Variants in SAMTOR observed in about 807,000 individuals in gnomAD.
SAMTOR encodes S-adenosylmethionine sensor upstream of mTORC1.
chr7:112,829,784 C>G, the SAMTOR span, among the ~76,000 whole-genome samples: 1 of 152,012 alleles, frequency 6.6e-6, no homozygotes, highest in South Asian at 2.1e-4. Flanking sequence ...GAGGTAAGAC[C>G]CTTCTCTGTG....
At chr7:112,892,783 A>T in the SAMTOR span, among the ~76,000 whole-genome samples, 1 of 151,574 alleles carries the variant, frequency 6.6e-6, no homozygotes, top group East Asian at 1.9e-4. Context: ...AAAAAAAAAA[A>T]ATAATAATAA....
At chr7:112,834,232 A>G in the SAMTOR span, among the ~76,000 whole-genome samples, 9 of 152,332 alleles carry the variant, frequency 5.9e-5, no homozygotes, top group Middle Eastern at 6.8e-3. Flanking sequence ...ATTCATGAAC[A>G]TGAATAGTTA....
chr7:112,914,838 G>C, the SAMTOR span, among the ~76,000 whole-genome samples: 2 of 152,154 alleles, frequency 1.3e-5, no homozygotes, highest in Non-Finnish European at 2.9e-5. Flanking sequence ...AACAGACCTA[G>C]GGAAAGTGAA....
At chr7:112,825,750 G>C in the SAMTOR span, among the ~76,000 whole-genome samples, 1 of 151,918 alleles carries the variant, frequency 6.6e-6, no homozygotes. Flanking sequence ...TCCTTATCTT[G>C]TTTTTGTGAG....
chr7:112,939,833 C>G, the SAMTOR span: 1 of 1,117,680 alleles, frequency 8.9e-7, no homozygotes, highest in Admixed American at 2.5e-5. Context: ...GAGGAGGGAG[C>G]TGCGGAGGCA....
the SAMTOR span, among the ~76,000 whole-genome samples, chr7:112,872,399 G>A: frequency 6.6e-6 from 1 of 151,672 alleles, no homozygotes; most frequent in South Asian, 2.1e-4. Flanking sequence ...TACAGAAAAA[G>A]CAATAGAAAA....
the SAMTOR span, among the ~76,000 whole-genome samples, chr7:112,861,173 T>G: frequency 6.6e-6 from 1 of 152,182 alleles, no homozygotes; most frequent in Non-Finnish European, 1.5e-5. Flanking sequence ...TTATTTCATC[T>G]CTTATTTATA....
the SAMTOR span, among the ~76,000 whole-genome samples, chr7:112,919,412 T>C: frequency 1.4e-4 from 21 of 151,994 alleles, 1 homozygote; most frequent in African/African-American, 5.1e-4. Flanking sequence ...AGAACAAAGA[T>C]ACAACATACC....
At chr7:112,912,573 T>C in the SAMTOR span, among the ~76,000 whole-genome samples, 6 of 152,088 alleles carry the variant, frequency 3.9e-5, no homozygotes, top group African/African-American at 1.4e-4. Context: ...CTCATAATTA[T>C]ATATAACTCA....
chr7:112,897,858 T>C, the SAMTOR span, among the ~76,000 whole-genome samples: 1 of 152,150 alleles, frequency 6.6e-6, no homozygotes, highest in Admixed American at 6.5e-5. Flanking sequence ...TCATAAGAAC[T>C]AAGTCAGTTA....
the SAMTOR span, among the ~76,000 whole-genome samples, chr7:112,860,968 A>C: frequency 6.6e-6 from 1 of 151,760 alleles, no homozygotes; most frequent in Non-Finnish European, 1.5e-5. Context: ...TTCCTAGTAA[A>C]AACACTCTTT....
At chr7:112,898,142 T>C in the SAMTOR span, among the ~76,000 whole-genome samples, 1 of 152,220 alleles carries the variant, frequency 6.6e-6, no homozygotes, top group Non-Finnish European at 1.5e-5. Flanking sequence ...AGAAGTCTGC[T>C]GCCCTAGTGG....
chr7:112,832,442 A>G, the SAMTOR span: 1 of 646,864 alleles, frequency 1.5e-6, no homozygotes. Context: ...TAGTTTTGAA[A>G]TCTCTCCTCA....
chr7:112,915,839 T>C, the SAMTOR span, among the ~76,000 whole-genome samples: 49 of 152,196 alleles, frequency 3.2e-4, no homozygotes, highest in Non-Finnish European at 4.1e-4. Context: ...CAAGAATTAA[T>C]TTTCCTGTTA....
the SAMTOR span, among the ~76,000 whole-genome samples, chr7:112,921,139 G>T: frequency 3.4e-3 from 524 of 152,274 alleles, 14 homozygotes; most frequent in Admixed American, 0.031. Context: ...GCATCACCAA[G>T]TCAACCCTAA....
the SAMTOR span, among the ~76,000 whole-genome samples, chr7:112,876,930 C>T: frequency 7.9e-5 from 12 of 152,160 alleles, no homozygotes; most frequent in African/African-American, 2.9e-4. Context: ...CAAATATTAG[C>T]TCTGAGATAA....
the SAMTOR span, among the ~76,000 whole-genome samples, chr7:112,910,162 A>C: frequency 2.0e-5 from 3 of 151,838 alleles, no homozygotes; most frequent in African/African-American, 4.8e-5. Context: ...CCCACCCCCC[A>C]AAAAAAGACT....
At chr7:112,907,391 A>G in the SAMTOR span, among the ~76,000 whole-genome samples, 4 of 152,158 alleles carry the variant, frequency 2.6e-5, no homozygotes, top group Non-Finnish European at 5.9e-5. Context: ...CTAGAAGAAA[A>G]CACGAGTGAA....
chr7:112,824,296 G>T, the SAMTOR span, among the ~76,000 whole-genome samples: 2 of 151,982 alleles, frequency 1.3e-5, no homozygotes, highest in African/African-American at 4.8e-5. Flanking sequence ...TTTTCCTTTA[G>T]TAGTTTTATA....
Sources: allele counts gnomAD v4.1 joint callset (sites outside exome capture counted in the v4.1 genomes callset), GRCh38; gene constraint gnomAD v4.1.1; transcripts MANE v1.5; gene names NCBI Gene and HGNC (gene_info 2026-07-23, HGNC 2026-07-21).